NTSR1: variants seen among roughly 807,000 people sequenced by gnomAD.
The protein encoded by NTSR1 is neurotensin receptor type 1.
A neutral mutation model predicts 31.2 loss-of-function variants in NTSR1; 29 were observed. That is an observed-to-expected ratio of 0.93 (90% CI 0.69 to 1.27). NTSR1 has a LOEUF of 1.27. NTSR1 is among the 50% of genes most tolerant of loss of function. The pLI, the probability that NTSR1 is intolerant of heterozygous loss-of-function variation, is 0.00. For missense variants in NTSR1, 697 were observed against 595.4 expected (o/e 1.17, Z -1.78); for synonymous variants, 282 against 269.9 (o/e 1.04, Z -0.44).
chr20:62,726,251 C>T (rs138399022), intron 1 of NTSR1, among the ~76,000 whole-genome samples: 3 of 152,354 alleles, frequency 2.0e-5, no homozygotes, highest in East Asian at 1.9e-4. Context: ...AACCCAAGCA[C>T]AGGACTCGGA....
intron 2 of NTSR1, 116 bp downstream of exon 2, chr20:62,755,002 A>T: frequency 9.5e-7 from 1 of 1,054,982 alleles, no homozygotes; most frequent in South Asian, 1.6e-5. Flanking sequence ...TGGAGCTGTC[A>T]GGCCAAGACC....
intron 2 of NTSR1, chr20:62,756,762 G>A (rs893279298): frequency 1.3e-5 from 2 of 152,264 alleles, no homozygotes; most frequent in Non-Finnish European, 2.9e-5. Flanking sequence ...GTGTGTGCCT[G>A]TTGTTTTAAT....
intron 1 of NTSR1, among the ~76,000 whole-genome samples, chr20:62,725,445 G>A (rs558598378): frequency 1.3e-5 from 2 of 152,326 alleles, no homozygotes; most frequent in East Asian, 1.9e-4. Context: ...CTCTGCCGCT[G>A]CACTGTCGGC....
chr20:62,746,183 G>A (rs895342679), intron 1 of NTSR1, among the ~76,000 whole-genome samples: 11 of 152,310 alleles, frequency 7.2e-5, no homozygotes, highest in African/African-American at 2.2e-4. Context: ...CAGCCTGGCC[G>A]TCTGCTTCCT....
At chr20:62,746,590 T>A (rs920322946) in intron 1 of NTSR1, among the ~76,000 whole-genome samples, 1 of 152,100 alleles carries the variant, frequency 6.6e-6, no homozygotes, top group African/African-American at 2.4e-5. Flanking sequence ...AAGAGGAGAC[T>A]TTACAAGATG....
At chr20:62,747,204 A>G (rs960881650) in intron 1 of NTSR1, among the ~76,000 whole-genome samples, 2 of 152,274 alleles carry the variant, frequency 1.3e-5, no homozygotes, top group African/African-American at 4.8e-5. Flanking sequence ...TTTCATGATA[A>G]AAACACTCAA....
At chr20:62,747,083 C>T (rs1019332715) in intron 1 of NTSR1, among the ~76,000 whole-genome samples, 2 of 152,238 alleles carry the variant, frequency 1.3e-5, no homozygotes, top group Non-Finnish European at 2.9e-5. Context: ...AAACACAGTT[C>T]AGCACATATG....
chr20:62,720,837 A>G (rs899945239), intron 1 of NTSR1, among the ~76,000 whole-genome samples: 3 of 152,156 alleles, frequency 2.0e-5, no homozygotes, highest in African/African-American at 4.8e-5. Flanking sequence ...TGAACATTGT[A>G]TTCTAATTTA....
intron 1 of NTSR1, among the ~76,000 whole-genome samples, chr20:62,739,630 C>T (rs1023651099): frequency 2.0e-5 from 3 of 152,264 alleles, no homozygotes; most frequent in African/African-American, 4.8e-5. Flanking sequence ...TAATCAGATT[C>T]ACCACAACAG....
intron 1 of NTSR1, among the ~76,000 whole-genome samples, chr20:62,747,031 G>A (rs935531707): frequency 1.2e-4 from 19 of 152,186 alleles, no homozygotes; most frequent in African/African-American, 4.3e-4. Flanking sequence ...CATGTTGAAA[G>A]GCTCATCCAC....
chr20:62,720,038 G>A (rs148707397), intron 1 of NTSR1, among the ~76,000 whole-genome samples: 9 of 152,262 alleles, frequency 5.9e-5, no homozygotes, highest in African/African-American at 1.9e-4. Flanking sequence ...AGTGGTTCAG[G>A]CCTGTAATCC....
intron 1 of NTSR1, among the ~76,000 whole-genome samples, chr20:62,752,142 A>G (rs1173919770): frequency 6.6e-6 from 1 of 152,210 alleles, no homozygotes; most frequent in Non-Finnish European, 1.5e-5. Context: ...CGTGATCTCA[A>G]CGGGTCCTTC....
chr20:62,744,688 C>T lies in NTSR1; in HGVS notation c.715-9997C>T, dbSNP rs1989266474. The stretch of plus-strand genomic sequence containing the variant: ...GTTGTGATAAGCAGAAATCGCGCCA[C>T]TGCACTCCAGCCTGGGCAACAAGAG... On this transcript the variant is annotated intron_variant, in intron 1 of 3. Transcript: ENST00000370501. This position sits in a 1 kb window ranked among gnomAD's most constrained non-coding sequence, Gnocchi z 4.1. Among the ~76,000 whole-genome samples, 2 of 152,108 alleles carry T rather than the reference C, an allele frequency of 1.3e-5. No individual in the cohort carries two copies. Among genetic ancestry groups the T allele is most frequent in the African/African-American group, 4.8e-5 (2 of 41,416 alleles).
rs1336515727 is a variant in NTSR1 at position 62,711,716 on chromosome 20, C to T, written c.714+1795C>T. Among the ~76,000 whole-genome samples the T allele has an allele frequency of 2.0e-5, 3 of 152,072 alleles. No homozygotes were observed. The highest frequency in any genetic ancestry group is 4.4e-5 in the Non-Finnish European group (3 of 68,002). ...GGGGCGTGAGGACAGCTCGGCTCCG[C>T]CCCCCGGAAAGTGTCCTCCCCGCGT... On this transcript the variant is annotated intron_variant, in intron 1 of 3. Coordinates refer to ENST00000370501, the MANE Select transcript of NTSR1 (RefSeq NM_002531.3). This position sits in a 1 kb window ranked among gnomAD's most constrained non-coding sequence, Gnocchi z 6.4.
chr20:62,713,110 C>T (rs1379550907), intron 1 of NTSR1, among the ~76,000 whole-genome samples: 1 of 152,228 alleles, frequency 6.6e-6, no homozygotes, highest in Non-Finnish European at 1.5e-5. Flanking sequence ...CTCCCAGCCT[C>T]ACAGGCACGA....
intron 1 of NTSR1, among the ~76,000 whole-genome samples, chr20:62,751,217 G>A (rs921563812): frequency 6.6e-5 from 10 of 152,118 alleles, no homozygotes; most frequent in African/African-American, 2.4e-4. Flanking sequence ...CCTCAATAAA[G>A]CTGGGGGAAA....
At chr20:62,730,131 T>C (rs1458273591) in intron 1 of NTSR1, among the ~76,000 whole-genome samples, 1 of 152,188 alleles carries the variant, frequency 6.6e-6, no homozygotes. Context: ...CAGTTTATAT[T>C]AGGGTTCATC....
At chr20:62,734,002 G>A (rs1989043599) in intron 1 of NTSR1, among the ~76,000 whole-genome samples, 1 of 152,228 alleles carries the variant, frequency 6.6e-6, no homozygotes. Flanking sequence ...CTTGGAGGGG[G>A]TTTCGTTTCA....
intron 1 of NTSR1, among the ~76,000 whole-genome samples, chr20:62,731,916 C>T (rs1014112297): frequency 1.2e-4 from 18 of 152,118 alleles, no homozygotes; most frequent in African/African-American, 4.8e-5. Flanking sequence ...GTCAGGAGTT[C>T]GAGGCCAGTC....
Sources: allele counts gnomAD v4.1 joint callset (sites outside exome capture counted in the v4.1 genomes callset), GRCh38; gene constraint gnomAD v4.1.1; non-coding constraint Gnocchi (gnomAD v3.1); transcripts MANE v1.5; gene names NCBI Gene and HGNC (gene_info 2026-07-23, HGNC 2026-07-21).